EPB41L4A: variants seen among roughly 807,000 people sequenced by gnomAD.
EPB41L4A encodes the protein erythrocyte membrane protein band 4.1 like 4A, also known as band 4.1-like protein 4A.
A neutral mutation model predicts 108.6 loss-of-function variants in EPB41L4A; 100 were observed. That is an observed-to-expected ratio of 0.92 (90% CI 0.78 to 1.09). The LOEUF (loss-of-function observed/expected upper bound fraction) is 1.09, where lower values mean the gene tolerates loss of function less well. Ranked by LOEUF, EPB41L4A falls within the 50% of genes least tolerant of loss-of-function variation. The pLI is 0.00. For missense variants in EPB41L4A, 1,030 were observed against 842.7 expected (o/e 1.22, Z -2.75); for synonymous variants, 319 against 289.0 (o/e 1.10, Z -1.05).
chr5:112,179,809 T>G (rs1351975638), intron 18 of EPB41L4A, among the ~76,000 whole-genome samples: 2 of 152,106 alleles, frequency 1.3e-5, no homozygotes, highest in South Asian at 2.1e-4. Context: ...CTGTACTACA[T>G]GATCTAGCCA....
chr5:112,357,449 T>C (rs1301957520), intron 1 of EPB41L4A, among the ~76,000 whole-genome samples: 1 of 152,216 alleles, frequency 6.6e-6, no homozygotes, highest in Non-Finnish European at 1.5e-5. Flanking sequence ...CTCAGGTATC[T>C]CTAACACCTA....
Position 112,205,461 on chromosome 5 carries a change from T to C in EPB41L4A, c.1222A>G (p.Ser408Gly), listed in dbSNP as rs1346286989. ...TCTTCCCACGGTGCATGAGATTTGC[T>C]TCTTTGGGTATCAGGGCTATTTTCA... ...KNENSPDTQR[S>G]KSHAPWEENG... Residue 408 changes from serine to glycine, a missense_variant, in exon 14 of 23, where the codon AGC becomes GGC. Coordinates refer to ENST00000261486, the MANE Select transcript of EPB41L4A (RefSeq NM_022140.5). The C allele has an allele frequency of 6.2e-7, 1 of 1,613,998 alleles. No homozygotes were observed. The highest frequency in any genetic ancestry group is 1.7e-5 in the Admixed American group (1 of 60,018).
rs145560354 is a variant in EPB41L4A, at chr5:112,408,629, G to C, written c.99+10312C>G. Reference sequence around the variant, plus strand: ...ATCCCACTTTGGGAGAATCAGTTGAGGCCAGGACTTCAAACGAGCCTGGGC... The same window carrying C: ...ATCCCACTTTGGGAGAATCAGTTGACGCCAGGACTTCAAACGAGCCTGGGC... On this transcript the variant is annotated intron_variant, in intron 1 of 22. Transcript: ENST00000261486. Among the ~76,000 whole-genome samples the C allele has an allele frequency of 5.4e-3, 675 of 123,976 alleles. 4 individuals are homozygous for C. The highest frequency in any genetic ancestry group is 0.019 in the African/African-American group (618 of 32,440). 81.3% of individuals were successfully genotyped at this position (123,976 alleles called of 152,430 possible).
chr5:112,166,496 C>T (rs540110788), intron 22 of EPB41L4A, among the ~76,000 whole-genome samples: 1 of 152,352 alleles, frequency 6.6e-6, no homozygotes, highest in Admixed American at 6.5e-5. Flanking sequence ...ACATTCCTCA[C>T]TCTGATTACA....
At chr5:112,218,957 CCTTA>C (rs554409870) in intron 12 of EPB41L4A, among the ~76,000 whole-genome samples, 23 of 152,186 alleles carry the variant, frequency 1.5e-4, no homozygotes, top group Non-Finnish European at 1.5e-5. Context: ...TTCATGACTC[CCTTA>C]AACATATCCA....
chr5:112,415,648 C>A (rs1242176855), intron 1 of EPB41L4A, among the ~76,000 whole-genome samples: 16 of 152,140 alleles, frequency 1.1e-4, no homozygotes, highest in Admixed American at 9.8e-4. Flanking sequence ...TCCCTCAGCA[C>A]AGAGAACTAG....
At chr5:112,241,427 A>G (rs1284276559) in intron 9 of EPB41L4A, among the ~76,000 whole-genome samples, 1 of 152,248 alleles carries the variant, frequency 6.6e-6, no homozygotes, top group Non-Finnish European at 1.5e-5. Context: ...ATTTTAATCC[A>G]GTAGTTATTT....
At chr5:112,143,845 T>C (rs1166890868) in exon 14 of EPB41L4A, 3 of 455,656 alleles carry the variant, frequency 6.6e-6, no homozygotes, top group African/African-American at 6.0e-5. Context: ...CTTCATGTGC[T>C]GACCCTGTAT....
chr5:112,320,576 G>C (rs1241909349), intron 1 of EPB41L4A, among the ~76,000 whole-genome samples: 2 of 152,176 alleles, frequency 1.3e-5, no homozygotes, highest in African/African-American at 2.4e-5. Flanking sequence ...TACAAGAATA[G>C]CCTGGGAACT....
intron 12 of EPB41L4A, among the ~76,000 whole-genome samples, chr5:112,230,309 A>G (rs1417239253): frequency 9.9e-5 from 15 of 152,236 alleles, no homozygotes; most frequent in African/African-American, 3.4e-4. Flanking sequence ...TCTCCATACT[A>G]TTTTCCACAG....
chr5:112,351,667 G>A (rs1357706190), intron 1 of EPB41L4A, among the ~76,000 whole-genome samples: 1 of 151,962 alleles, frequency 6.6e-6, no homozygotes, highest in Non-Finnish European at 1.5e-5. Context: ...GCAACAAAAA[G>A]AGAGAGACAG....
At chr5:112,277,367 A>C (rs944877034) in intron 3 of EPB41L4A, among the ~76,000 whole-genome samples, 32 of 152,250 alleles carry the variant, frequency 2.1e-4, no homozygotes, top group Admixed American at 6.5e-5. Flanking sequence ...AAAAGTACAC[A>C]GTTAAAAACA....
chr5:112,222,175 C>A (rs1748109617), intron 12 of EPB41L4A, among the ~76,000 whole-genome samples: 1 of 152,202 alleles, frequency 6.6e-6, no homozygotes, highest in Non-Finnish European at 1.5e-5. Context: ...AATGTATGGT[C>A]TTCTCAAGAG....
At chr5:112,167,871 AC>A (rs553079986) in intron 22 of EPB41L4A, among the ~76,000 whole-genome samples, 59 of 152,356 alleles carry the variant, frequency 3.9e-4, no homozygotes, top group African/African-American at 1.3e-3. Context: ...CATGATAGAT[AC>A]TGCTGGTGTC....
intron 3 of EPB41L4A, among the ~76,000 whole-genome samples, chr5:112,279,064 C>CCAA (rs1752792509): frequency 1.3e-5 from 1 of 76,902 alleles, no homozygotes; most frequent in African/African-American, 4.8e-5. Context: ...GATACCGTCT[C>CCAA]AAAAAAAAAA....
intron 1 of EPB41L4A, among the ~76,000 whole-genome samples, chr5:112,350,358 A>G (rs947290944): frequency 1.3e-4 from 20 of 152,198 alleles, no homozygotes; most frequent in Non-Finnish European, 1.5e-5. Flanking sequence ...TTTTTGATAC[A>G]TAATAGCTGT....
chr5:112,377,781 C>G (rs1200126113), intron 1 of EPB41L4A, among the ~76,000 whole-genome samples: 1 of 152,102 alleles, frequency 6.6e-6, no homozygotes, highest in Non-Finnish European at 1.5e-5. Context: ...CCCTCTCTTC[C>G]CAGTACCATT....
chr5:112,385,643 G>C (rs1365207458), intron 1 of EPB41L4A, among the ~76,000 whole-genome samples: 1 of 151,956 alleles, frequency 6.6e-6, no homozygotes, highest in Non-Finnish European at 1.5e-5. Flanking sequence ...TGTAGTTCAA[G>C]TCAGAAGAGA....
rs769108686 is a variant in EPB41L4A, at chr5:112,307,376, C to T, written c.204+10G>A. ...ACCAGAAAAATTTAACACAAAGTCA[C>T]CTTACTCACCGTCTGATGGCTTCTG... is the stretch of plus-strand genomic sequence containing the variant. On this transcript the variant is annotated intron_variant, in intron 2 of 22. Transcript: ENST00000261486. 1 of 1,577,482 alleles carries T rather than the reference C, an allele frequency of 6.3e-7. No homozygotes were observed. Among genetic ancestry groups the T allele is most frequent in the Middle Eastern group, 1.7e-4 (1 of 5,984 alleles).
Sources: allele counts gnomAD v4.1 joint callset (sites outside exome capture counted in the v4.1 genomes callset), GRCh38; gene constraint gnomAD v4.1.1; transcripts MANE v1.5; gene names NCBI Gene and HGNC (gene_info 2026-07-23, HGNC 2026-07-21).